The following VILL variants were observed in gnomAD, a reference collection of about 807,000 sequenced individuals.
VILL encodes villin-like protein.
A neutral mutation model predicts 106.3 loss-of-function variants in VILL; 102 were observed. That is an observed-to-expected ratio of 0.96 (90% CI 0.82 to 1.13). The LOEUF is 1.13. Ranked by LOEUF, VILL falls within the 50% of genes most tolerant of loss-of-function variation. The probability of loss-of-function intolerance (pLI) is 0.00; values close to 1 mark genes in which losing one functional copy is unlikely to be tolerated. For missense variants in VILL, 1,076 were observed against 1,116.6 expected, an observed-to-expected ratio of 0.96 and a Z score of 0.52; for synonymous variants, 431 against 440.3, an observed-to-expected ratio of 0.98 and a Z score of 0.27.
chr3:37,996,952 G>C (rs1304245106), intron 5 of VILL, 125 bp from the exon 6 acceptor site: 4 of 763,390 alleles, frequency 5.2e-6, no homozygotes, highest in Non-Finnish European at 9.1e-6. Context: ...ATTATCTACA[G>C]TCACACATGC....
intron 1 of VILL, among the ~76,000 whole-genome samples, chr3:37,991,658 T>C (rs764380764): frequency 7.9e-5 from 12 of 151,106 alleles, no homozygotes; most frequent in Admixed American, 1.3e-4. Flanking sequence ...GTGGAGGAAG[T>C]GCACCCCCAG....
In VILL at chr3:37,997,111, A is replaced by G. The variant is rs764570309; in HGVS notation, c.485A>G (p.Asp162Gly). The G allele has an allele frequency of 1.7e-5, 27 of 1,614,122 alleles. No homozygotes were observed. Among genetic ancestry groups the G allele is most frequent in the Non-Finnish European group, 2.2e-5 (26 of 1,180,016 alleles). The change falls in exon 6 of 20, where the codon GAC becomes GGC. Residue 162 changes from aspartate to glycine, a missense_variant. Physicochemically the swap from Asp to Gly is moderately conservative, Grantham distance 94. Transcript: ENST00000383759. This position sits in a 1 kb window ranked among gnomAD's most constrained non-coding sequence, Gnocchi z 4.7. ...ELSWNSFNKG[D>G]IFLLDLGKMM... Reference sequence around the variant, plus strand: ...TCCTGGAACAGCTTTAATAAGGGTGACATCTTCCTGCTGGACCTAGGCAAG... The same window carrying G: ...TCCTGGAACAGCTTTAATAAGGGTGGCATCTTCCTGCTGGACCTAGGCAAG...
rs376387498 is a variant in VILL, at chr3:38,006,623, G to A, written c.2380G>A (p.Gly794Arg). Reference protein sequence around the residue: ...SVSSTSATINGGLRREQLMHQ... With the variant: ...SVSSTSATINRGLRREQLMHQ... Reference sequence around the variant, plus strand: ...CAGCAGCACCAGCGCCACGATCAACGGGGGCCTGCGCCGGGAACAACTGAT... The same window carrying A: ...CAGCAGCACCAGCGCCACGATCAACAGGGGCCTGCGCCGGGAACAACTGAT... The change falls in exon 19 of 20, where the codon GGG becomes AGG. Residue 794 changes from glycine to arginine, a missense_variant. Gly to Arg is a moderately radical substitution (Grantham distance 125, BLOSUM62 -2). Transcript: ENST00000383759. 9.9e-6 allele frequency: 16 copies of A among 1,613,830 alleles called. No homozygotes were observed. The African/African-American group carries it at 1.6e-4, about 16-fold the overall frequency.
At chr3:38,005,510 A>C (rs1374507971) in intron 16 of VILL, among the ~76,000 whole-genome samples, 29 of 152,204 alleles carry the variant, frequency 1.9e-4, no homozygotes, top group Non-Finnish European at 4.4e-5. Flanking sequence ...CCCGGCACAC[A>C]GTAGGTGCTC....
upstream of VILL, among the ~76,000 whole-genome samples, chr3:37,989,525 T>G (rs1575331591): frequency 1.3e-5 from 2 of 152,088 alleles, no homozygotes; most frequent in South Asian, 4.1e-4. Context: ...TGCCGCTTGG[T>G]TGACAGCGGG....
At chr3:37,996,416 T>G (rs1387112933) in intron 5 of VILL, among the ~76,000 whole-genome samples, 4 of 152,156 alleles carry the variant, frequency 2.6e-5, no homozygotes, top group African/African-American at 7.2e-5. Flanking sequence ...CTTCCATCTG[T>G]CAGGAAATTA....
chr3:38,005,354 C>T (rs973955104), intron 16 of VILL, among the ~76,000 whole-genome samples: 3 of 152,150 alleles, frequency 2.0e-5, no homozygotes, highest in Admixed American at 6.5e-5. Flanking sequence ...ACGGCCACCT[C>T]GGGGCTTTTA....
chr3:37,998,802 T>C lies in VILL; in HGVS notation c.943-110T>C, dbSNP rs1699754733. The C allele has an allele frequency of 6.9e-7, 1 of 1,449,792 alleles. No individual in the cohort carries two copies. The highest frequency in any genetic ancestry group is 9.1e-7 in the Non-Finnish European group (1 of 1,097,446). 89.8% of individuals were successfully genotyped at this position (1,449,792 alleles called of 1,614,324 possible). On this transcript the variant is annotated intron_variant, in intron 9 of 19. Coordinates refer to ENST00000383759, the MANE Select transcript of VILL (RefSeq NM_015873.4). This position sits in a 1 kb window ranked among gnomAD's most constrained non-coding sequence, Gnocchi z 4.1. Reference sequence around the variant, plus strand: ...TTCGCTAAGTGGGTCATGAGCTCGGTTAATTAACGCTTCTTGGAGCTCGGC... The same window carrying C: ...TTCGCTAAGTGGGTCATGAGCTCGGCTAATTAACGCTTCTTGGAGCTCGGC...
chr3:38,005,763 C>G, intron 16 of VILL, 29 bp from the exon 17 acceptor site: 4 of 1,585,996 alleles, frequency 2.5e-6, no homozygotes, highest in Non-Finnish European at 3.4e-6. Flanking sequence ...CCTCCACCTG[C>G]CCAAGGCCAG....
upstream of VILL, among the ~76,000 whole-genome samples, chr3:37,989,360 C>A (rs189585777): frequency 6.6e-6 from 1 of 152,098 alleles, no homozygotes; most frequent in Non-Finnish European, 1.5e-5. Context: ...GAGACACTGG[C>A]GTTTCCATGC....
rs1699951396 is a variant in VILL at position 38,007,159 on chromosome 3, C to T, written c.*104C>T. The T allele has an allele frequency of 5.3e-6, 5 of 951,154 alleles. No individual in the cohort carries two copies. Among genetic ancestry groups the T allele is most frequent in the Admixed American group, 4.3e-5 (2 of 46,120 alleles). 58.9% of individuals were successfully genotyped at this position (951,154 alleles called of 1,614,324 possible). On this transcript the variant is annotated 3_prime_UTR_variant, in exon 20 of 20. Coordinates refer to ENST00000383759, the MANE Select transcript of VILL (RefSeq NM_015873.4). ...CTCAGAGGCTTTTGGTCATCCTCTG[C>T]GTGTCAGTAAAAGCAGGCAGCCCAT...
At chr3:38,004,218 C>G (rs1699872181) in intron 15 of VILL, 37 bp from the exon 16 acceptor site, 1 of 1,588,036 alleles carries the variant, frequency 6.3e-7, no homozygotes, top group Non-Finnish European at 8.6e-7. Context: ...GGGTGCCCCT[C>G]TGGGTGGCTC....
rs372911411 is a variant in VILL at position 37,997,466 on chromosome 3, C to A, written c.562-17C>A. 1.8e-4 allele frequency: 289 copies of A among 1,612,086 alleles called. No individual in the cohort carries two copies. Among genetic ancestry groups the A allele is most frequent in the Non-Finnish European group, 2.3e-4 (272 of 1,179,780 alleles). On this transcript the variant is annotated splice_polypyrimidine_tract_variant and intron_variant, in intron 6 of 19. Transcript: ENST00000383759. The surrounding 1 kb of genome is among the most constrained non-coding windows in gnomAD (Gnocchi z 4.7). Reference sequence around the variant, plus strand: ...GGCACACTGGTGACACCCTGACTCCCAGGTCCTCTCCCGCAGGGGCTGGCT... The same window carrying A: ...GGCACACTGGTGACACCCTGACTCCAAGGTCCTCTCCCGCAGGGGCTGGCT...
rs763160147 is a variant in VILL at position 38,006,949 on chromosome 3, T to G, written c.2465T>G (p.Leu822Arg). ...GVDPARREFY[L>R]SDSDFQDIFG... ...CCTCTCTCCCCTGCCCAGTTCTATC[T>G]CTCAGACTCTGACTTCCAAGATATC... Residue 822 changes from leucine (L) to arginine (R), a missense_variant, in exon 20 of 20, where the codon CTC (leucine) becomes CGC (arginine). Physicochemically the swap from Leu to Arg is moderately radical, Grantham distance 102. Transcript: ENST00000383759. 3.7e-6 allele frequency: 6 copies of G among 1,613,870 alleles called. No homozygotes were observed. The South Asian group carries it at 5.5e-5, about 15-fold the overall frequency.
At chr3:38,000,259 G>C (rs1699788138) in intron 11 of VILL, among the ~76,000 whole-genome samples, 1 of 152,156 alleles carries the variant, frequency 6.6e-6, no homozygotes, top group Non-Finnish European at 1.5e-5. Context: ...AATATGGATG[G>C]ACAGAAGTGA....
In VILL at chr3:38,004,264, G is replaced by C. The variant is rs201001246; in HGVS notation, c.1815G>C (p.Glu605Asp). Residue 605 changes from glutamate to aspartate, a missense_variant, in exon 16 of 20, where the codon GAG becomes GAC. Coordinates refer to ENST00000383759, the MANE Select transcript of VILL (RefSeq NM_015873.4). Reference protein sequence around the residue: ...APYPSNKRLPEEVPSFQPRLF... With the variant: ...APYPSNKRLPDEVPSFQPRLF... ...TGTCCGTGCTGGCCAGGCTCCCTGA[G>C]GAGGTCCCCAGCTTCCAGCCACGAC... 1.2e-6 allele frequency: 2 copies of C among 1,611,520 alleles called. No individual in the cohort carries two copies. Among genetic ancestry groups the C allele is most frequent in the African/African-American group, 2.7e-5 (2 of 74,928 alleles).
intron 13 of VILL, chr3:38,002,140 G>A: frequency 1.6e-6 from 1 of 643,006 alleles, no homozygotes; most frequent in Non-Finnish European, 2.7e-6. Flanking sequence ...CCACCTCCAA[G>A]GCCTGAGCAC....
Position 38,002,288 on chromosome 3 carries a change from G to A in VILL, c.1480-108G>A, listed in dbSNP as rs770403750. ...ATGTGAAATCACCAGTGAGGGCCTTGATGGCTTCAAGCAAGGGTCCCTGAG... is the reference window on the plus strand; with the variant it reads ...ATGTGAAATCACCAGTGAGGGCCTTAATGGCTTCAAGCAAGGGTCCCTGAG... On this transcript the variant is annotated intron_variant, in intron 13 of 19. Transcript: ENST00000383759. 2.4e-4 allele frequency: 257 copies of A among 1,083,416 alleles called. 1 individual carries two copies. The highest frequency in any genetic ancestry group is 3.8e-5 in the Non-Finnish European group (29 of 769,428). The allele number at this position is 1,083,416 out of a possible 1,614,324, so 67.1% of individuals were successfully genotyped here. A position where few individuals can be genotyped will look rare whatever the true frequency, so the allele number is the denominator to read the frequency against.
At position 37,998,282 on chromosome 3, in the gene VILL, A is replaced by AC; in HGVS notation, c.862dup (p.Gln288ProfsTer15). ...TGCTCCCAGGACTTCTACATCCTGG[A>AC]CCAGGGTGGCTTCAAGATCTATGTG... On this transcript the variant is annotated frameshift_variant, in exon 9 of 20. Transcript: ENST00000383759. LOFTEE classifies it high-confidence loss of function. The surrounding 1 kb of genome is among the most constrained non-coding windows in gnomAD (Gnocchi z 4.1). The AC allele has an allele frequency of 6.2e-7, 1 of 1,614,164 alleles. No individual in the cohort carries two copies. The highest frequency in any genetic ancestry group is 1.6e-4 in the Middle Eastern group (1 of 6,062).
Sources: gnomAD v4.1 joint callset for allele counts (sites outside exome capture counted in the v4.1 genomes callset) on GRCh38, gnomAD v4.1.1 for gene constraint, Gnocchi (gnomAD v3.1) non-coding constraint, MANE v1.5 for transcripts, NCBI Gene and HGNC (gene_info 2026-07-23, HGNC 2026-07-21) for gene names.